ANKUB1: variants seen among roughly 807,000 people sequenced by gnomAD.
The protein encoded by ANKUB1 is protein ANKUB1.
A neutral mutation model predicts 49.3 loss-of-function variants in ANKUB1; 42 were observed. The observed-to-expected ratio is 0.85, with a 90% confidence interval of 0.67 to 1.10. The LOEUF (loss-of-function observed/expected upper bound fraction) is 1.10, where lower values mean the gene tolerates loss of function less well. Among genes scored for constraint, ANKUB1 ranks in the 50% least tolerant of loss-of-function variants. ANKUB1 has a pLI of 0.00. For synonymous variants in ANKUB1, 222 were observed against 231.0 expected, an observed-to-expected ratio of 0.96 and a Z score of 0.35; for missense variants, 613 against 642.0, an observed-to-expected ratio of 0.95 and a Z score of 0.49.
chr3:149,761,411 T>C lies in ANKUB1; in HGVS notation c.*73A>G. On this transcript the variant is annotated 3_prime_UTR_variant, in exon 6 of 6. Coordinates refer to ENST00000446160, the MANE Select transcript of ANKUB1 (RefSeq NM_001144960.3). ...GAGATGATAACATTAGAACTGTTAT[T>C]AGAAATGTTAACATTAGAACTGGAC... is the stretch of plus-strand genomic sequence containing the variant. 6.7e-7 allele frequency: 1 copy of C among 1,497,836 alleles called. No homozygotes were observed. The highest frequency in any genetic ancestry group is 9.0e-7 in the Non-Finnish European group (1 of 1,106,908). 92.8% of individuals were successfully genotyped at this position (1,497,836 alleles called of 1,614,324 possible). A position where few individuals can be genotyped will look rare whatever the true frequency, so the allele number is the denominator to read the frequency against.
intron 2 of ANKUB1, among the ~76,000 whole-genome samples, chr3:149,787,494 A>G (rs1718159718): frequency 6.6e-6 from 1 of 152,186 alleles, no homozygotes; most frequent in Non-Finnish European, 1.5e-5. Flanking sequence ...TTTTCTAAAT[A>G]TACAATCATG....
At position 149,786,154 on chromosome 3, in the gene ANKUB1, G is replaced by A. The variant is rs551648207; in HGVS notation, c.234+4627C>T. ...GAGTTCACACCATTCTCCTGCCTCA[G>A]CCTCCCCGGTAGCTGGGACTACAGG... is the stretch of plus-strand genomic sequence containing the variant. On this transcript the variant is annotated intron_variant, in intron 2 of 5. Transcript: ENST00000446160. 1.6e-3 allele frequency among the ~76,000 whole-genome samples: 250 copies of A among 152,256 alleles called. 1 individual carries two copies. The highest frequency in any genetic ancestry group is 5.7e-3 in the African/African-American group (236 of 41,542).
chr3:149,786,443 G>A (rs1295908005), intron 2 of ANKUB1, among the ~76,000 whole-genome samples: 2 of 152,086 alleles, frequency 1.3e-5, no homozygotes, highest in Admixed American at 6.5e-5. Context: ...ATTTTTTCTT[G>A]CAAATTTGTT....
rs759128398 is a variant in ANKUB1 at position 149,768,023 on chromosome 3, C to A, written c.639G>T (p.Lys213Asn). ...GYIELTEWAL[K>N]QGARPHEAVG... The stretch of plus-strand genomic sequence containing the variant: ...CTGCCTCGTGGGGCCGCGCACCCTG[C>A]TTCAGGGCCCATTCAGTGAGTTCAA... Residue 213 changes from lysine to asparagine, a missense_variant, in exon 5 of 6, where the codon AAG becomes AAT. Lys to Asn is a moderately conservative substitution (Grantham distance 94). Coordinates refer to ENST00000446160, the MANE Select transcript of ANKUB1 (RefSeq NM_001144960.3). 4.7e-6 allele frequency: 7 copies of A among 1,482,032 alleles called. No individual in the cohort carries two copies. The South Asian group carries it at 9.7e-5, about 21-fold the overall frequency. 91.8% of individuals were successfully genotyped at this position (1,482,032 alleles called of 1,614,324 possible). A position where few individuals can be genotyped will look rare whatever the true frequency, so the allele number is the denominator to read the frequency against.
At chr3:149,765,530 A>C (rs1261008892) in intron 5 of ANKUB1, among the ~76,000 whole-genome samples, 1 of 151,334 alleles carries the variant, frequency 6.6e-6, no homozygotes, top group African/African-American at 2.5e-5. Context: ...TCTTATCTAA[A>C]ACCACACACA....
chr3:149,767,162 C>T lies in ANKUB1; in HGVS notation c.1500G>A (p.Val500=), dbSNP rs371501265. Residue 500 remains valine, a synonymous_variant, in exon 5 of 6, where the codon GTG becomes GTA. Transcript: ENST00000446160. ...GTTTAAGGGGAGAACATTACCTTGCCACAGCTAAGCAGTAGATTGCGTTCT... is the reference window on the plus strand; with the variant it reads ...GTTTAAGGGGAGAACATTACCTTGCTACAGCTAAGCAGTAGATTGCGTTCT... ...PWENAIYCLA[V]ASAFKEKRWL... 317 of 1,514,624 alleles carry T rather than the reference C, an allele frequency of 2.1e-4. No homozygotes were observed. In the African/African-American group the frequency reaches 3.8e-3, roughly 18 times the overall value. The allele number at this position is 1,514,624 out of a possible 1,614,324, so 93.8% of individuals were successfully genotyped here. A position where few individuals can be genotyped will look rare whatever the true frequency, so the allele number is the denominator to read the frequency against.
chr3:149,786,161 C>T (rs753958803), intron 2 of ANKUB1, among the ~76,000 whole-genome samples: 22 of 152,232 alleles, frequency 1.4e-4, no homozygotes, highest in African/African-American at 4.6e-4. Flanking sequence ...TCAGCCTCCC[C>T]GGTAGCTGGG....
chr3:149,777,358 G>C (rs1310060133), intron 3 of ANKUB1, among the ~76,000 whole-genome samples: 1 of 152,114 alleles, frequency 6.6e-6, no homozygotes, highest in Non-Finnish European at 1.5e-5. Context: ...TGTAGTCCCA[G>C]CTACTCAGGA....
In ANKUB1 at chr3:149,768,046, C is replaced by G. The variant is rs530465311; in HGVS notation, c.616G>C (p.Glu206Gln). ...TGCTTCAGGGCCCATTCAGTGAGTTCAATGTACCCACAAAAAGCAGCAATG... is the reference window on the plus strand; with the variant it reads ...TGCTTCAGGGCCCATTCAGTGAGTTGAATGTACCCACAAAAAGCAGCAATG... ...LYIAAFCGYI[E>Q]LTEWALKQGA... is the part of the protein sequence containing the mutation. Residue 206 changes from glutamate (E) to glutamine (Q), a missense_variant, in exon 5 of 6, where the codon GAA (glutamate) becomes CAA (glutamine). Glu to Gln is a conservative substitution (Grantham distance 29). Coordinates refer to ENST00000446160, the MANE Select transcript of ANKUB1 (RefSeq NM_001144960.3). 7.6e-6 allele frequency: 11 copies of G among 1,455,222 alleles called. No homozygotes were observed. In the African/African-American group the frequency reaches 1.3e-4, roughly 17 times the overall value. 90.1% of individuals were successfully genotyped at this position (1,455,222 alleles called of 1,614,324 possible). A position where few individuals can be genotyped will look rare whatever the true frequency, so the allele number is the denominator to read the frequency against.
In ANKUB1 at chr3:149,767,407, AT is replaced by A; in HGVS notation, c.1254del (p.Glu418AspfsTer24). The stretch of plus-strand genomic sequence containing the variant: ...TGATTTTGTTGTTGATGTTTTTGTA[AT>A]TCAGAGAATGAACTTGCATTCACCA... ...HPLVNASSFS[E>X]LQKHQQQNQK... On this transcript the variant is annotated frameshift_variant, in exon 5 of 6. Transcript: ENST00000446160. LOFTEE classifies it high-confidence loss of function. 6.4e-7 allele frequency: 1 copy of A among 1,551,614 alleles called. No individual in the cohort carries two copies. The highest frequency in any genetic ancestry group is 8.7e-7 in the Non-Finnish European group (1 of 1,146,992).
intron 5 of ANKUB1, among the ~76,000 whole-genome samples, chr3:149,762,224 C>G (rs1019106121): frequency 7.9e-5 from 12 of 152,164 alleles, no homozygotes; most frequent in African/African-American, 2.9e-4. Context: ...TCCTAGGAGT[C>G]CTCATTTACT....
chr3:149,780,644 T>C (rs1487274010), intron 2 of ANKUB1, among the ~76,000 whole-genome samples, 189 bp from the exon 3 acceptor site: 4 of 152,188 alleles, frequency 2.6e-5, no homozygotes, highest in African/African-American at 9.6e-5. Context: ...CAGGTCCCCC[T>C]GTTTGAGTGA....
intron 3 of ANKUB1, among the ~76,000 whole-genome samples, chr3:149,776,836 G>C (rs1312562896): frequency 6.6e-6 from 1 of 151,832 alleles, no homozygotes; most frequent in Non-Finnish European, 1.5e-5. Context: ...AATTAGCCAG[G>C]CATGGTGGGA....
chr3:149,762,728 C>CCT, intron 5 of ANKUB1, among the ~76,000 whole-genome samples: 1 of 152,236 alleles, frequency 6.6e-6, no homozygotes, highest in Non-Finnish European at 1.5e-5. Flanking sequence ...GAGCTTCCCA[C>CCT]CTACCTCCTA....
chr3:149,776,092 ATCTT>A (rs1255323219), intron 3 of ANKUB1, among the ~76,000 whole-genome samples: 1 of 152,124 alleles, frequency 6.6e-6, no homozygotes, highest in East Asian at 1.9e-4. Context: ...AATCCCTAAA[ATCTT>A]TCTTTCTCCA....
chr3:149,761,789 G>T (rs894025260), intron 5 of ANKUB1, among the ~76,000 whole-genome samples, 176 bp from the exon 6 acceptor site: 1 of 152,126 alleles, frequency 6.6e-6, no homozygotes, highest in Admixed American at 6.6e-5. Context: ...GTGATGCAGT[G>T]GGAATGATAT....
chr3:149,787,337 T>A (rs544944610), intron 2 of ANKUB1, among the ~76,000 whole-genome samples: 17 of 152,344 alleles, frequency 1.1e-4, no homozygotes. Flanking sequence ...TTGTAGCAAT[T>A]GTGAATGGGA....
At chr3:149,776,276 A>C (rs1178819523) in intron 3 of ANKUB1, among the ~76,000 whole-genome samples, 1 of 152,136 alleles carries the variant, frequency 6.6e-6, no homozygotes, top group Non-Finnish European at 1.5e-5. Flanking sequence ...ACAGCTTTCC[A>C]TGTCTCATTT....
intron 3 of ANKUB1, 33 bp from the exon 4 acceptor site, chr3:149,770,707 G>A (rs1159491220): frequency 1.2e-5 from 16 of 1,334,126 alleles, no homozygotes; most frequent in Non-Finnish European, 1.5e-5. Flanking sequence ...TATGGTTCCA[G>A]TCCAGCAGTG....
Sources: allele counts gnomAD v4.1 joint callset (sites outside exome capture counted in the v4.1 genomes callset), GRCh38; gene constraint gnomAD v4.1.1; transcripts MANE v1.5; gene names NCBI Gene and HGNC (gene_info 2026-07-23, HGNC 2026-07-21).